SRD5A1: variants seen among roughly 807,000 people sequenced by gnomAD.
The protein encoded by SRD5A1 is steroid 5 alpha-reductase 1, also known as 3-oxo-5-alpha-steroid 4-dehydrogenase 1.
In SRD5A1, 22 loss-of-function variants were observed where a neutral mutation model predicts 28.2. That is an observed-to-expected ratio of 0.78 (90% CI 0.56 to 1.12). The LOEUF (loss-of-function observed/expected upper bound fraction) is 1.12. SRD5A1 is among the 50% of genes most tolerant of loss of function. The probability of loss-of-function intolerance (pLI) is 0.00; values close to 1 mark genes in which losing one functional copy is unlikely to be tolerated. For missense variants in SRD5A1, 300 were observed against 346.7 expected, an observed-to-expected ratio of 0.87 and a Z score of 1.07; for synonymous variants, 151 against 135.0, an observed-to-expected ratio of 1.12 and a Z score of -0.82.
intron 1 of SRD5A1, among the ~76,000 whole-genome samples, chr5:6,650,253 G>C (rs935206923): frequency 5.3e-5 from 8 of 151,814 alleles, no homozygotes; most frequent in Non-Finnish European, 8.8e-5. Context: ...ACAAAAAAAA[G>C]TTTTTAAATT....
chr5:6,651,775 A>G (rs1443912309), intron 1 of SRD5A1, 67 bp from the exon 2 acceptor site: 1 of 1,428,988 alleles, frequency 7.0e-7, no homozygotes. Context: ...AAATCATTTA[A>G]GATAGGATTA....
rs951754541 is a variant in SRD5A1, at chr5:6,671,001, C to A, written c.*2733C>A. 2.6e-5 allele frequency: 4 copies of A among 152,172 alleles called. No individual in the cohort carries two copies. Among genetic ancestry groups the A allele is most frequent in the African/African-American group, 7.2e-5 (3 of 41,438 alleles). The allele number at this position is 152,172 out of a possible 1,614,324, so 9.4% of individuals were successfully genotyped here. On this transcript the variant is annotated 3_prime_UTR_variant, in exon 5 of 5. Transcript: ENST00000274192. Reference sequence around the variant, plus strand: ...AGTATCTTTTTTTGAATAATGACTTCTTTTCCTCTGGGTAGATACCCAGTA... The same window carrying A: ...AGTATCTTTTTTTGAATAATGACTTATTTTCCTCTGGGTAGATACCCAGTA...
Position 6,634,344 on chromosome 5 carries a change from A to G in SRD5A1, c.293+475A>G, listed in dbSNP as rs8192128. Among the ~76,000 whole-genome samples the G allele has an allele frequency of 7.9e-5, 12 of 152,062 alleles. No individual in the cohort carries two copies. In the South Asian group the frequency reaches 1.2e-3, roughly 16 times the overall value. On this transcript the variant is annotated intron_variant, in intron 1 of 4. Coordinates refer to ENST00000274192, the MANE Select transcript of SRD5A1 (RefSeq NM_001047.4). Reference sequence around the variant, plus strand: ...TCTGTCTCAAAATTAAATATATAAAAATAAAGAGTTAAAAAGTAAAAATGT... The same window carrying G: ...TCTGTCTCAAAATTAAATATATAAAGATAAAGAGTTAAAAAGTAAAAATGT...
At position 6,666,961 on chromosome 5, in the gene SRD5A1, G is replaced by A. The variant is rs534842652; in HGVS notation, c.714-1241G>A. Reference sequence around the variant, plus strand: ...TCCCACGGGCAGTTTCTGGGAGAGAGGCGCTCACCTGCTATGTCACTGTGC... The same window carrying A: ...TCCCACGGGCAGTTTCTGGGAGAGAAGCGCTCACCTGCTATGTCACTGTGC... On this transcript the variant is annotated intron_variant, in intron 4 of 4. Transcript: ENST00000274192. Among the ~76,000 whole-genome samples, 19 of 152,318 alleles carry A rather than the reference G, an allele frequency of 1.2e-4. No homozygotes were observed. In the East Asian group the frequency reaches 3.5e-3, roughly 28 times the overall value.
intron 1 of SRD5A1, among the ~76,000 whole-genome samples, chr5:6,636,134 A>T (rs1738177564): frequency 6.6e-6 from 1 of 151,228 alleles, no homozygotes; most frequent in South Asian, 2.1e-4. Context: ...TGGTTTGGGG[A>T]CATTTACATT....
chr5:6,656,151 A>G lies in SRD5A1; in HGVS notation c.534A>G (p.Pro178=), dbSNP rs376732146. 3.1e-6 allele frequency: 5 copies of G among 1,613,918 alleles called. No homozygotes were observed. The highest frequency in any genetic ancestry group is 2.2e-5 in the South Asian group (2 of 91,088). The change falls in exon 3 of 5, where the codon CCA becomes CCG. Residue 178 remains proline, a synonymous_variant. Transcript: ENST00000274192. ...ATATCCTAAGGAATCTCAGAAAACC[A>G]GGAGATACTGGATACAAAATACCAA... is the stretch of plus-strand genomic sequence containing the variant. The part of the protein sequence containing the change: ...SDHILRNLRK[P]GDTGYKIPRG...
In SRD5A1 at chr5:6,671,766, A is replaced by G. The variant is rs181804469; in HGVS notation, c.*3498A>G. 3 of 152,400 alleles carry G rather than the reference A, an allele frequency of 2.0e-5. No individual in the cohort carries two copies. Among genetic ancestry groups the G allele is most frequent in the African/African-American group, 7.2e-5 (3 of 41,538 alleles). The allele number at this position is 152,400 out of a possible 1,614,324, so 9.4% of individuals were successfully genotyped here. On this transcript the variant is annotated 3_prime_UTR_variant, in exon 5 of 5. Coordinates refer to ENST00000274192, the MANE Select transcript of SRD5A1 (RefSeq NM_001047.4). ...GAGATGGGTGCACCAGGATCTCACA[A>G]ATCACCACTAAAGAATTTACTCATG...
chr5:6,647,745 T>C (rs1030317131), intron 1 of SRD5A1, among the ~76,000 whole-genome samples: 5 of 152,232 alleles, frequency 3.3e-5, no homozygotes, highest in African/African-American at 4.8e-5. Context: ...TGTCTTTTAA[T>C]TGGGGCATTT....
rs1230841773 is a variant in SRD5A1, at chr5:6,669,338, T to G, written c.*1070T>G. On this transcript the variant is annotated 3_prime_UTR_variant, in exon 5 of 5. Coordinates refer to ENST00000274192, the MANE Select transcript of SRD5A1 (RefSeq NM_001047.4). ...GCTTTCTGTTTTGCTGTTGTTGCTT[T>G]GCAAAGCTTTCCCCTCATAGCCTGT... is the stretch of plus-strand genomic sequence containing the variant. 1 of 152,262 alleles carries G rather than the reference T, an allele frequency of 6.6e-6. No individual in the cohort carries two copies. The highest frequency in any genetic ancestry group is 2.4e-5 in the African/African-American group (1 of 41,466). The allele number at this position is 152,262 out of a possible 1,614,324, so 9.4% of individuals were successfully genotyped here. A position where few individuals can be genotyped will look rare whatever the true frequency, so the allele number is the denominator to read the frequency against.
Position 6,670,063 on chromosome 5 carries a change from T to A in SRD5A1, c.*1795T>A, listed in dbSNP as rs942646132. ...GCCTGCAGCAGAAAGCAGTGTCCTC[T>A]GCACCCCCACTCTCCAGGGAGAGCA... On this transcript the variant is annotated 3_prime_UTR_variant, in exon 5 of 5. Coordinates refer to ENST00000274192, the MANE Select transcript of SRD5A1 (RefSeq NM_001047.4). 6.6e-6 allele frequency: 1 copy of A among 152,340 alleles called. No homozygotes were observed. The highest frequency in any genetic ancestry group is 2.4e-5 in the African/African-American group (1 of 41,448). The allele number at this position is 152,340 out of a possible 1,614,324, so 9.4% of individuals were successfully genotyped here.
intron 1 of SRD5A1, among the ~76,000 whole-genome samples, chr5:6,650,034 A>G (rs1046549890): frequency 3.5e-4 from 53 of 152,102 alleles, no homozygotes; most frequent in African/African-American, 1.1e-3. Context: ...GATTTATTTC[A>G]TTGGTAACAG....
At chr5:6,665,847 A>G (rs1388410257) in intron 4 of SRD5A1, among the ~76,000 whole-genome samples, 17 of 152,236 alleles carry the variant, frequency 1.1e-4, no homozygotes, top group Admixed American at 1.0e-3. Flanking sequence ...AGTTATCTAA[A>G]TGAAAGTCTT....
intron 1 of SRD5A1, among the ~76,000 whole-genome samples, chr5:6,645,845 T>A (rs1027393972): frequency 3.9e-5 from 6 of 152,166 alleles, no homozygotes; most frequent in African/African-American, 9.7e-5. Context: ...TATTTTTTTT[T>A]ATTTTCTTTA....
chr5:6,666,190 C>T (rs980166438), intron 4 of SRD5A1, among the ~76,000 whole-genome samples: 17 of 152,090 alleles, frequency 1.1e-4, no homozygotes, highest in Non-Finnish European at 1.2e-4. Context: ...CTCTGTCGCC[C>T]AGGCTGGAGT....
chr5:6,659,548 A>G (rs1003550441), intron 3 of SRD5A1, among the ~76,000 whole-genome samples: 5 of 152,244 alleles, frequency 3.3e-5, no homozygotes, highest in Non-Finnish European at 7.3e-5. Context: ...TTTAAAAACT[A>G]ATTCAAGAAA....
chr5:6,664,980 A>T (rs564790293), intron 4 of SRD5A1, among the ~76,000 whole-genome samples: 1 of 152,258 alleles, frequency 6.6e-6, no homozygotes, highest in Non-Finnish European at 1.5e-5. Flanking sequence ...TGGGCCAGGA[A>T]TGGGCCTTCT....
At chr5:6,642,111 C>G (rs933721022) in intron 1 of SRD5A1, among the ~76,000 whole-genome samples, 1 of 152,132 alleles carries the variant, frequency 6.6e-6, no homozygotes, top group African/African-American at 2.4e-5. Context: ...TAATATATGT[C>G]TAATGAGAAG....
intron 4 of SRD5A1, among the ~76,000 whole-genome samples, chr5:6,667,175 C>T (rs190204283): frequency 5.3e-5 from 8 of 152,332 alleles, no homozygotes; most frequent in Admixed American, 1.3e-4. Context: ...TGGGTCCATG[C>T]GCCACCACTG....
intron 1 of SRD5A1, 106 bp downstream of exon 1, chr5:6,633,975 A>G: frequency 8.0e-7 from 1 of 1,250,420 alleles, no homozygotes; most frequent in Non-Finnish European, 1.1e-6. Flanking sequence ...CCCCACCCAG[A>G]TGCCCTCTCC....
Sources: gnomAD v4.1 joint callset for allele counts (sites outside exome capture counted in the v4.1 genomes callset) on GRCh38, gnomAD v4.1.1 for gene constraint, MANE v1.5 for transcripts, NCBI Gene and HGNC (gene_info 2026-07-23, HGNC 2026-07-21) for gene names.